MRPL55: variants seen among roughly 807,000 people sequenced by gnomAD.
The protein encoded by MRPL55 is mitochondrial ribosomal protein L55.
A neutral mutation model predicts 10.6 loss-of-function variants in MRPL55; 7 were observed. That is an observed-to-expected ratio of 0.66 (90% CI 0.38 to 1.24). The LOEUF is 1.24. Among genes scored for constraint, MRPL55 ranks in the 50% most tolerant of loss-of-function variants. The pLI, the probability that MRPL55 is intolerant of heterozygous loss-of-function variation, is 0.02. For synonymous variants in MRPL55, 57 were observed against 71.8 expected, an observed-to-expected ratio of 0.79 and a Z score of 1.04; for missense variants, 148 against 180.3, an observed-to-expected ratio of 0.82 and a Z score of 1.03.
In MRPL55 at chr1:228,107,731, CAGCACGGGGT is replaced by C. The variant is rs2033313504; in HGVS notation, c.155_164del (p.Tyr52CysfsTer3). The C allele has an allele frequency of 6.2e-7, 1 of 1,613,164 alleles. No homozygotes were observed. The highest frequency in any genetic ancestry group is 1.3e-5 in the African/African-American group (1 of 74,962). ...TGGTGGAGCCATCCTGCTTCACCAG[CAGCACGGGGT>C]AGAGTCGTGCATAAGCCTGGCGGTG... On this transcript the variant is annotated frameshift_variant, in exon 4 of 5. Coordinates refer to ENST00000336520, the MANE Select transcript of MRPL55 (RefSeq NM_181463.3). LOFTEE classifies it high-confidence loss of function.
rs145390684 is a variant in MRPL55 at position 228,108,852 on chromosome 1, CCT to C, written c.-59+101_-59+102del. ...AGCGCCCAGCTTCCTCTGGCGTACC[CCT>C]GTCTCTCACCAAGGAAGGGACCTGA... On this transcript the variant is annotated intron_variant, in intron 2 of 4. Transcript: ENST00000336520. 1,144 of 152,970 alleles carry C rather than the reference CCT, an allele frequency of 7.5e-3. 10 individuals carry two copies. The highest frequency in any genetic ancestry group is 0.023 in the African/African-American group (966 of 41,550). The allele number at this position is 152,970 out of a possible 1,614,324, so 9.5% of individuals were successfully genotyped here. A position where few individuals can be genotyped will look rare whatever the true frequency, so the allele number is the denominator to read the frequency against.
intron 3 of MRPL55, 165 bp from the exon 4 acceptor site, chr1:228,108,034 A>G (rs1265151023): frequency 6.5e-7 from 1 of 1,544,802 alleles, no homozygotes; most frequent in Non-Finnish European, 8.8e-7. Context: ...CAGGAGCCAC[A>G]GGCTGTGGTC....
intron 3 of MRPL55, 158 bp downstream of exon 3, chr1:228,108,077 C>G: frequency 6.5e-7 from 1 of 1,536,524 alleles, no homozygotes; most frequent in Non-Finnish European, 8.8e-7. Context: ...CAGGAAGAGG[C>G]TGCCAGGCTG....
At position 228,108,250 on chromosome 1, in the gene MRPL55, A is replaced by G; in HGVS notation, c.11T>C (p.Val4Ala). Residue 4 changes from valine to alanine, a missense_variant, in exon 3 of 5, where the codon GTG (valine) becomes GCG (alanine). Physicochemically the swap from Val to Ala is moderately conservative, Grantham distance 64. Transcript: ENST00000336520. ...CCATGCTTACCCAAGCAGGCTGCCCACGGCCGCCATTCCTCCTTACAGCCC... is the reference window on the plus strand; with the variant it reads ...CCATGCTTACCCAAGCAGGCTGCCCGCGGCCGCCATTCCTCCTTACAGCCC... Reference protein sequence around the residue: MAAVGSLLGRLRQS... With the variant: MAAAGSLLGRLRQS... 1.2e-6 allele frequency: 2 copies of G among 1,610,896 alleles called. No homozygotes were observed. Among genetic ancestry groups the G allele is most frequent in the Non-Finnish European group, 1.7e-6 (2 of 1,179,110 alleles).
In MRPL55 at chr1:228,107,779, T is replaced by C. The variant is rs780458628; in HGVS notation, c.117A>G (p.Ser39=). 3 of 1,613,204 alleles carry C rather than the reference T, an allele frequency of 1.9e-6. No homozygotes were observed. Among genetic ancestry groups the C allele is most frequent in the Non-Finnish European group, 2.5e-6 (3 of 1,180,014 alleles). The change falls in exon 4 of 5, where the codon TCA becomes TCG. Residue 39 remains serine, a synonymous_variant. Coordinates refer to ENST00000336520, the MANE Select transcript of MRPL55 (RefSeq NM_181463.3). ...AAGCCTGGCGGTGCACACGAGTGAGTGAGGCCCTGCTGCTGTCAGCTCGCC... is the reference window on the plus strand; with the variant it reads ...AAGCCTGGCGGTGCACACGAGTGAGCGAGGCCCTGCTGCTGTCAGCTCGCC... ...SSWRADSSRA[S]LTRVHRQAYA... is the part of the protein sequence containing the mutation.
Position 228,107,657 on chromosome 1 carries a change from G to A in MRPL55, c.228+11C>T, listed in dbSNP as rs1340197026. 1.9e-6 allele frequency: 3 copies of A among 1,612,156 alleles called. No homozygotes were observed. Among genetic ancestry groups the A allele is most frequent in the African/African-American group, 2.7e-5 (2 of 75,020 alleles). On this transcript the variant is annotated intron_variant, in intron 4 of 4. Transcript: ENST00000336520. ...CCCGGCACCTGGAAGCACCTGGAGA[G>A]GGAAGCTTACCGCCAGCATGCGCCG...
At chr1:228,107,571 A>G in intron 4 of MRPL55, 97 bp downstream of exon 4, 2 of 1,093,500 alleles carry the variant, frequency 1.8e-6, no homozygotes, top group Non-Finnish European at 2.7e-6. Context: ...CAGTGACCAC[A>G]GCCACATGTC....
chr1:228,108,166 G>A, intron 3 of MRPL55, 69 bp downstream of exon 3: 2 of 1,563,746 alleles, frequency 1.3e-6, no homozygotes, highest in Admixed American at 3.7e-5. Flanking sequence ...GCGGTTTCCT[G>A]CTGAAGAGAG....
intron 2 of MRPL55, 194 bp downstream of exon 2, chr1:228,108,761 G>A (rs1157735189): frequency 6.3e-6 from 1 of 158,366 alleles, no homozygotes; most frequent in East Asian, 1.9e-4. Context: ...TCTGTGCTGA[G>A]GTGTGCGAAG....
At chr1:228,108,639 T>C in intron 2 of MRPL55, 2 of 271,660 alleles carry the variant, frequency 7.4e-6, no homozygotes, top group Admixed American at 4.8e-5. Context: ...CCTTGCTTTC[T>C]AAGGTCATTG....
rs764244705 is a variant in MRPL55, at chr1:228,108,066, C to T, written c.26+169G>A. ...GGTCAGAGGCGTTCTGGCCCCCTAG[C>T]CAGGAAGAGGCTGCCAGGCTGAGCA... is the stretch of plus-strand genomic sequence containing the variant. On this transcript the variant is annotated intron_variant, in intron 3 of 4. Coordinates refer to ENST00000336520, the MANE Select transcript of MRPL55 (RefSeq NM_181463.3). The T allele has an allele frequency of 4.8e-5, 74 of 1,539,276 alleles. No homozygotes were observed. In the Middle Eastern group the frequency reaches 8.4e-4, roughly 17 times the overall value.
rs1367812356 is a variant in MRPL55 at position 228,107,972 on chromosome 1, A to G, written c.27-103T>C. 2.6e-6 allele frequency: 4 copies of G among 1,554,790 alleles called. No homozygotes were observed. In the South Asian group the frequency reaches 3.5e-5, roughly 14 times the overall value. On this transcript the variant is annotated intron_variant, in intron 3 of 4. Coordinates refer to ENST00000336520, the MANE Select transcript of MRPL55 (RefSeq NM_181463.3). ...TGGGCACTGCCGGGCCACAGGAGACATTACCAGAGCTGGTGACCCGTGCCG... is the reference window on the plus strand; with the variant it reads ...TGGGCACTGCCGGGCCACAGGAGACGTTACCAGAGCTGGTGACCCGTGCCG...
chr1:228,107,704 GA>G lies in MRPL55; in HGVS notation c.191del (p.Ile64ThrfsTer16). ...GCCGTGGCTCCCTGTAGCGGATGTG[GA>G]TGGTGGAGCCATCCTGCTTCACCAG... ...VLLVKQDGSTIHIRYREPRRM... is the reference protein window; with the variant it reads ...VLLVKQDGSTXHIRYREPRRM... On this transcript the variant is annotated frameshift_variant, in exon 4 of 5. Coordinates refer to ENST00000336520, the MANE Select transcript of MRPL55 (RefSeq NM_181463.3). LOFTEE classifies it low-confidence loss of function (END_TRUNC). 1.2e-6 allele frequency: 2 copies of G among 1,613,218 alleles called. No individual in the cohort carries two copies. The highest frequency in any genetic ancestry group is 2.2e-5 in the South Asian group (2 of 91,086).
At position 228,108,312 on chromosome 1, in the gene MRPL55, G is replaced by C. The variant is rs376326476; in HGVS notation, c.-52C>G. On this transcript the variant is annotated 5_prime_UTR_variant, in exon 3 of 5. Coordinates refer to ENST00000336520, the MANE Select transcript of MRPL55 (RefSeq NM_181463.3). ...GGAGGTGGTCAGTACAGGCCCTGGC[G>C]TGCAACCTGCTAGGCAGAGAATGAA... 13 of 1,577,134 alleles carry C rather than the reference G, an allele frequency of 8.2e-6. No homozygotes were observed. Among genetic ancestry groups the C allele is most frequent in the Non-Finnish European group, 1.1e-5 (13 of 1,158,550 alleles).
chr1:228,108,374 G>A (rs546614873), intron 2 of MRPL55, 56 bp from the exon 3 acceptor site: 1 of 1,174,506 alleles, frequency 8.5e-7, no homozygotes, highest in Non-Finnish European at 1.2e-6. Context: ...TCCACCTAAT[G>A]GTTTCTTATC....
At chr1:228,107,048 A>G (rs1161642355) in intron 4 of MRPL55, 130 bp from the exon 5 acceptor site, 7 of 656,084 alleles carry the variant, frequency 1.1e-5, no homozygotes, top group Non-Finnish European at 1.3e-5. Flanking sequence ...AAACATTCTT[A>G]TTGGTCTCTC....
Position 228,107,830 on chromosome 1 carries a change from T to G in MRPL55, c.66A>C (p.Ala22=), listed in dbSNP as rs1571859671. Residue 22 remains alanine (A), a synonymous_variant, in exon 4 of 5, where the codon GCA becomes GCC. Transcript: ENST00000336520. ...RQSTVKATGP[A]LRRLHTSSWR... is the part of the protein sequence containing the mutation. ...AGGAGGATGTGTGCAGGCGGCGGAG[T>G]GCAGGTCCGGTGGCCTTCACGGTGC... 2 of 1,613,064 alleles carry G rather than the reference T, an allele frequency of 1.2e-6. No homozygotes were observed. The highest frequency in any genetic ancestry group is 2.7e-5 in the African/African-American group (2 of 75,022).
At chr1:228,108,061 C>T (rs1018249576) in intron 3 of MRPL55, 174 bp downstream of exon 3, 6 of 1,540,748 alleles carry the variant, frequency 3.9e-6, no homozygotes, top group Non-Finnish European at 3.5e-6. Context: ...GTTCTGGCCC[C>T]CTAGCCAGGA....
chr1:228,107,311 C>T (rs2033234404), intron 4 of MRPL55, among the ~76,000 whole-genome samples: 1 of 152,134 alleles, frequency 6.6e-6, no homozygotes, highest in Admixed American at 6.5e-5. Flanking sequence ...GCAGTCCCAG[C>T]TACTTGGGAA....
Sources: allele counts gnomAD v4.1 joint callset (sites outside exome capture counted in the v4.1 genomes callset), GRCh38; gene constraint gnomAD v4.1.1; transcripts MANE v1.5; gene names NCBI Gene and HGNC (gene_info 2026-07-23, HGNC 2026-07-21).